TPM4: variants seen among roughly 807,000 people sequenced by gnomAD.
The protein encoded by TPM4 is tropomyosin 4.
A neutral mutation model predicts 35.8 loss-of-function variants in TPM4; 17 were observed. That is an observed-to-expected ratio of 0.47 (90% CI 0.32 to 0.71). The LOEUF (loss-of-function observed/expected upper bound fraction) is 0.71. TPM4 is among the 30% of genes least tolerant of loss of function. The probability of loss-of-function intolerance (pLI) is 0.03; values close to 1 mark genes in which losing one functional copy is unlikely to be tolerated. For synonymous variants in TPM4, 120 were observed against 122.9 expected, an observed-to-expected ratio of 0.98 and a Z score of 0.15; for missense variants, 240 against 320.9, an observed-to-expected ratio of 0.75 and a Z score of 1.93.
chr19:16,087,554 G>A (rs907750516), intron 3 of TPM4, among the ~76,000 whole-genome samples: 2 of 152,028 alleles, frequency 1.3e-5, no homozygotes, highest in Admixed American at 6.6e-5. Context: ...TTCAGCCTGG[G>A]TGATGGAGCG....
chr19:16,101,475 A>G lies in TPM4; in HGVS notation c.*129A>G, dbSNP rs1038034003. On this transcript the variant is annotated 3_prime_UTR_variant, in exon 8 of 8. Coordinates refer to ENST00000643579, the MANE Select transcript of TPM4 (RefSeq NM_003290.3). Reference sequence around the variant, plus strand: ...GAAATGTCAAGCAAATTATGAATACATGACCAAATATTTTGTATCGGAGAA... The same window carrying G: ...GAAATGTCAAGCAAATTATGAATACGTGACCAAATATTTTGTATCGGAGAA... 1.0e-5 allele frequency: 6 copies of G among 586,612 alleles called. No individual in the cohort carries two copies. The highest frequency in any genetic ancestry group is 3.9e-5 in the African/African-American group (2 of 51,938). 36.3% of individuals were successfully genotyped at this position (586,612 alleles called of 1,614,324 possible).
intron 1 of TPM4, among the ~76,000 whole-genome samples, chr19:16,079,206 C>G (rs992166622): frequency 6.6e-6 from 1 of 152,224 alleles, no homozygotes; most frequent in African/African-American, 2.4e-5. Context: ...ATAAGGGCTA[C>G]TCACTTCTTA....
chr19:16,073,121 AT>A (rs2090371031), upstream of TPM4, among the ~76,000 whole-genome samples: 1 of 151,982 alleles, frequency 6.6e-6, no homozygotes, highest in Non-Finnish European at 1.5e-5. Context: ...AAGTGGGAGG[AT>A]CCCTTGAGCC....
At chr19:16,087,020 A>C (rs2090564253) in intron 3 of TPM4, among the ~76,000 whole-genome samples, 1 of 152,056 alleles carries the variant, frequency 6.6e-6, no homozygotes, top group Non-Finnish European at 1.5e-5. Context: ...GGTGGCTCGT[A>C]CCTGTAACCC....
Position 16,086,521 on chromosome 19 carries a change from C to G in TPM4, c.365C>G (p.Ala122Gly), listed in dbSNP as rs1439110455. 6.2e-7 allele frequency: 1 copy of G among 1,613,174 alleles called. No homozygotes were observed. Among genetic ancestry groups the G allele is most frequent in the Non-Finnish European group, 8.5e-7 (1 of 1,179,562 alleles). The change falls in exon 3 of 8, where the codon GCT becomes GGT. Residue 122 changes from alanine (A) to glycine (G), a missense_variant. Transcript: ENST00000643579. ...LKEAKHIAEE[A>G]DRKYEEVARK... ...GAGGCCAAGCACATTGCGGAAGAGG[C>G]TGACCGCAAATACGAGGAGGTGAGT...
intron 5 of TPM4, among the ~76,000 whole-genome samples, chr19:16,092,562 TCTCA>T (rs2090641261): frequency 6.7e-6 from 1 of 150,120 alleles, no homozygotes; most frequent in African/African-American, 2.5e-5. Context: ...TGAGATGGAG[TCTCA>T]CTCCATCGCC....
At position 16,069,115 on chromosome 19, in the gene TPM4, A is replaced by G. The variant is rs115969073; in HGVS notation, c.114+1377A>G. Among the ~76,000 whole-genome samples, 502 of 152,282 alleles carry G rather than the reference A, an allele frequency of 3.3e-3. 1 individual carries two copies. The highest frequency in any genetic ancestry group is 0.012 in the African/African-American group (482 of 41,558). ...GCTATGTTTGTGTTGGCATCTGTGT[A>G]TCAGGGTGATGGGTTTCTGATGGCG... On this transcript the variant is annotated intron_variant, in intron 2 of 2. Coordinates refer to the TPM4 transcript ENST00000589897.
intron 7 of TPM4, among the ~76,000 whole-genome samples, chr19:16,099,078 G>GTGTGTGTGTGTT (rs58776268): frequency 0.34 from 51,060 of 150,216 alleles, 8,704 homozygotes; most frequent in Admixed American, 0.42. Flanking sequence ...CTCTGTGTGT[G>GTGTGTGTGTGTT]TGTGTGTGTG....
chr19:16,088,309 C>T (rs1296409429), intron 4 of TPM4: 2 of 1,391,816 alleles, frequency 1.4e-6, no homozygotes, highest in Non-Finnish European at 1.9e-6. Flanking sequence ...CGTGTTGACC[C>T]TTTCTGCAAA....
Position 16,070,691 on chromosome 19 carries a change from A to C in TPM4, c.114+2953A>C, listed in dbSNP as rs2090348074. ...TTGGCCCGGAGCCTAGCTCAGAGTA[A>C]GCACTCAATAAATGTAGGTTGATTT... On this transcript the variant is annotated intron_variant, in intron 2 of 2. Transcript: ENST00000589897. The surrounding 1 kb of genome is among the most constrained non-coding windows in gnomAD (Gnocchi z 7.4). 6.6e-6 allele frequency among the ~76,000 whole-genome samples: 1 copy of C among 152,174 alleles called. No homozygotes were observed. The highest frequency in any genetic ancestry group is 6.5e-5 in the Admixed American group (1 of 15,290).
chr19:16,089,028 C>A lies in TPM4; in HGVS notation c.456-17C>A. 1 of 1,613,808 alleles carries A rather than the reference C, an allele frequency of 6.2e-7. No individual in the cohort carries two copies. Among genetic ancestry groups the A allele is most frequent in the Non-Finnish European group, 8.5e-7 (1 of 1,179,870 alleles). On this transcript the variant is annotated splice_polypyrimidine_tract_variant and intron_variant, in intron 4 of 7. Transcript: ENST00000643579. ...GTAAGGGAAGATAAGACACAAAAAT[C>A]CTTTGTCTTTGTGCAGAAAATGTGG...
At chr19:16,084,219 C>T (rs547654582) in intron 2 of TPM4, among the ~76,000 whole-genome samples, 1 of 152,292 alleles carries the variant, frequency 6.6e-6, no homozygotes, top group East Asian at 1.9e-4. Context: ...ATTTAAGATG[C>T]ATTTCTGGTT....
At chr19:16,075,100 C>G (rs777601837), upstream of TPM4, 2 of 151,856 alleles carry the variant, frequency 1.3e-5, no homozygotes, top group African/African-American at 4.8e-5. Flanking sequence ...AAAAAAAAGT[C>G]AGATCCAGGC....
At chr19:16,099,278 C>T (rs760891359) in intron 7 of TPM4, among the ~76,000 whole-genome samples, 12 of 148,174 alleles carry the variant, frequency 8.1e-5, no homozygotes, top group Non-Finnish European at 1.5e-4. Flanking sequence ...GATGGGGTTT[C>T]GCCATGTTGG....
At chr19:16,076,294 C>T, upstream of TPM4, 2 of 1,518,688 alleles carry the variant, frequency 1.3e-6, no homozygotes, top group Non-Finnish European at 8.8e-7. Context: ...CCTCCCAGCG[C>T]TTTCTCCAAA....
intron 2 of TPM4, chr19:16,068,062 T>C (rs1241448066): frequency 2.4e-6 from 1 of 409,028 alleles, no homozygotes; most frequent in African/African-American, 2.1e-5. Flanking sequence ...GATAGGGCGG[T>C]TGGGGACATG....
At chr19:16,081,359 A>T in intron 1 of TPM4, 2 of 284,364 alleles carry the variant, frequency 7.0e-6, no homozygotes, top group Non-Finnish European at 1.3e-5. Context: ...TTTGACTCCT[A>T]TGTTGACTCA....
At chr19:16,093,294 C>T (rs767952788) in intron 5 of TPM4, among the ~76,000 whole-genome samples, 11 of 152,108 alleles carry the variant, frequency 7.2e-5, no homozygotes, top group South Asian at 4.2e-4. Context: ...CTCCCAGGTT[C>T]GAGTGAGTCT....
chr19:16,078,990 C>G (rs1290494466), intron 1 of TPM4, among the ~76,000 whole-genome samples: 1 of 152,128 alleles, frequency 6.6e-6, no homozygotes, highest in Non-Finnish European at 1.5e-5. Context: ...TAGCAAGCCT[C>G]TTTTACCTTA....
Sources: gnomAD v4.1 joint callset for allele counts (sites outside exome capture counted in the v4.1 genomes callset) on GRCh38, gnomAD v4.1.1 for gene constraint, Gnocchi (gnomAD v3.1) non-coding constraint, MANE v1.5 for transcripts, NCBI Gene and HGNC (gene_info 2026-07-23, HGNC 2026-07-21) for gene names.